Variants in LSM14A observed in about 807,000 individuals in gnomAD.
The protein encoded by LSM14A is LSM14A mRNA processing body assembly factor.
In LSM14A, 14 loss-of-function variants were observed where a neutral mutation model predicts 52.4. That is an observed-to-expected ratio of 0.27 (90% confidence interval 0.18 to 0.42). The LOEUF (loss-of-function observed/expected upper bound fraction) is 0.42. Ranked by LOEUF, LSM14A falls within the 10% of genes least tolerant of loss-of-function variation. The pLI, the probability that LSM14A is intolerant of heterozygous loss-of-function variation, is 1.00. For missense variants in LSM14A, 417 were observed against 581.8 expected (o/e 0.72, Z 2.91); for synonymous variants, 185 against 200.3 (o/e 0.92, Z 0.64).
rs2073476512 is a variant in LSM14A at position 34,229,128 on chromosome 19, T to C, written c.*1740T>C. 1 of 152,190 alleles carries C rather than the reference T, an allele frequency of 6.6e-6. No homozygotes were observed. Among genetic ancestry groups the C allele is most frequent in the Non-Finnish European group, 1.5e-5 (1 of 68,038 alleles). The allele number at this position is 152,190 out of a possible 1,614,324, so 9.4% of individuals were successfully genotyped here. Reference sequence around the variant, plus strand: ...AACTGTAAATACTAGTTCTACTTGCTCTGAAATTATGAGTTTATGCGTTTT... The same window carrying C: ...AACTGTAAATACTAGTTCTACTTGCCCTGAAATTATGAGTTTATGCGTTTT... On this transcript the variant is annotated 3_prime_UTR_variant, in exon 10 of 10. Coordinates refer to ENST00000544216, the MANE Select transcript of LSM14A (RefSeq NM_015578.4).
intron 4 of LSM14A, among the ~76,000 whole-genome samples, chr19:34,212,470 T>G (rs1299847255): frequency 1.3e-5 from 2 of 152,194 alleles, no homozygotes; most frequent in African/African-American, 2.4e-5. Flanking sequence ...TATATAAATT[T>G]TAAATAGATT....
At chr19:34,176,152 A>C (rs1392815886) in intron 1 of LSM14A, among the ~76,000 whole-genome samples, 1 of 152,182 alleles carries the variant, frequency 6.6e-6, no homozygotes, top group East Asian at 1.9e-4. Context: ...ACCCGGCCTG[A>C]AGCCAAAAGT....
At chr19:34,205,685 G>A (rs1382082802) in intron 3 of LSM14A, among the ~76,000 whole-genome samples, 1 of 151,416 alleles carries the variant, frequency 6.6e-6, no homozygotes, top group Admixed American at 6.6e-5. Context: ...ATGTCTCTAA[G>A]AAAAGTTGGT....
intron 3 of LSM14A, among the ~76,000 whole-genome samples, chr19:34,197,431 CTTTTT>C (rs531343486): frequency 3.2e-5 from 2 of 63,306 alleles, no homozygotes; most frequent in East Asian, 4.2e-4. Context: ...ATTTCTTTTT[CTTTTT>C]TTTTTTTTTT....
At chr19:34,226,405 C>CTTTTT in intron 9 of LSM14A, 1 of 808,134 alleles carries the variant, frequency 1.2e-6, no homozygotes, top group East Asian at 3.8e-5. Context: ...TTTTACCTTT[C>CTTTTT]AGAAAACCAC....
At chr19:34,208,637 C>A (rs2071887337) in intron 3 of LSM14A, 1 of 225,390 alleles carries the variant, frequency 4.4e-6, no homozygotes, top group African/African-American at 2.3e-5. Context: ...TGGTATGGGT[C>A]CTTGCTGTCC....
intron 4 of LSM14A, among the ~76,000 whole-genome samples, chr19:34,213,721 C>T (rs912926382): frequency 6.6e-6 from 1 of 152,148 alleles, no homozygotes; most frequent in Non-Finnish European, 1.5e-5. Flanking sequence ...TGTGACCAGG[C>T]GACCTCATAA....
At chr19:34,218,933 T>C (rs1412001498) in intron 6 of LSM14A, among the ~76,000 whole-genome samples, 1 of 152,238 alleles carries the variant, frequency 6.6e-6, no homozygotes, top group African/African-American at 2.4e-5. Context: ...TTAGTGTTTA[T>C]TTTTCTTACT....
chr19:34,174,238 C>G (rs948108911), intron 1 of LSM14A, among the ~76,000 whole-genome samples: 1 of 152,294 alleles, frequency 6.6e-6, no homozygotes, highest in Admixed American at 6.5e-5. Context: ...CATGAGCCAC[C>G]GCGCCCAGCC....
At chr19:34,209,114 G>A (rs2071936598) in intron 4 of LSM14A, 63 bp downstream of exon 4, 8 of 1,386,246 alleles carry the variant, frequency 5.8e-6, no homozygotes, top group Non-Finnish European at 7.8e-6. Context: ...TTGTCTTTCT[G>A]AATGTAAGAG....
At chr19:34,198,965 C>T (rs1051049902) in intron 3 of LSM14A, among the ~76,000 whole-genome samples, 5 of 150,950 alleles carry the variant, frequency 3.3e-5, no homozygotes, top group African/African-American at 1.2e-4. Flanking sequence ...CCAGCCTGGG[C>T]GACAGAGTGA....
intron 3 of LSM14A, among the ~76,000 whole-genome samples, chr19:34,206,172 A>C (rs2071682533): frequency 6.6e-6 from 1 of 152,224 alleles, no homozygotes; most frequent in South Asian, 2.1e-4. Context: ...CATTCTACCA[A>C]ACATTTAGGG....
At chr19:34,198,020 T>A (rs1389963866) in intron 3 of LSM14A, among the ~76,000 whole-genome samples, 4 of 149,344 alleles carry the variant, frequency 2.7e-5, no homozygotes, top group African/African-American at 9.9e-5. Context: ...GAACAGCTTT[T>A]AAAAAAAAAT....
At position 34,206,512 on chromosome 19, in the gene LSM14A, C is replaced by CA. The variant is rs879698497; in HGVS notation, c.416-2404dup. 1.2e-3 allele frequency among the ~76,000 whole-genome samples: 166 copies of CA among 135,790 alleles called. 1 individual carries two copies. The highest frequency in any genetic ancestry group is 4.1e-3 in the Middle Eastern group (1 of 244). 89.1% of individuals were successfully genotyped at this position (135,790 alleles called of 152,430 possible). ...TGAAACCCTGTCTCTACTAAAAATACAAAAAAAAAAAAATTAGTTGGGCAT... is the reference window on the plus strand; with the variant it reads ...TGAAACCCTGTCTCTACTAAAAATACAAAAAAAAAAAAAATTAGTTGGGCAT... On this transcript the variant is annotated intron_variant, in intron 3 of 9. Transcript: ENST00000544216.
intron 1 of LSM14A, among the ~76,000 whole-genome samples, chr19:34,185,223 A>T (rs576954986): frequency 8.4e-4 from 128 of 152,150 alleles, no homozygotes; most frequent in African/African-American, 2.9e-3. Context: ...CTGGGTTATG[A>T]CCTCTGGAAG....
chr19:34,207,652 C>T (rs1055739871), intron 3 of LSM14A, among the ~76,000 whole-genome samples: 1 of 152,078 alleles, frequency 6.6e-6, no homozygotes, highest in Non-Finnish European at 1.5e-5. Context: ...CTACCTCAGC[C>T]TCCTGAGTAG....
chr19:34,221,060 C>T (rs1262162007), intron 8 of LSM14A, among the ~76,000 whole-genome samples: 7 of 149,560 alleles, frequency 4.7e-5, no homozygotes, highest in East Asian at 2.0e-4. Flanking sequence ...ATGAACAACT[C>T]GTGATAACTT....
chr19:34,184,505 C>T (rs1473658964), intron 1 of LSM14A, among the ~76,000 whole-genome samples: 1 of 152,130 alleles, frequency 6.6e-6, no homozygotes. Context: ...AGATTCATTA[C>T]ATGGAGTTCA....
At chr19:34,208,732 C>T in intron 3 of LSM14A, 197 bp from the exon 4 acceptor site, 1 of 477,786 alleles carries the variant, frequency 2.1e-6, no homozygotes, top group Non-Finnish European at 3.7e-6. Flanking sequence ...ATTGGCTCCC[C>T]CTTCCCCTGC....
Sources: allele counts gnomAD v4.1 joint callset (sites outside exome capture counted in the v4.1 genomes callset), GRCh38; gene constraint gnomAD v4.1.1; transcripts MANE v1.5; gene names NCBI Gene and HGNC (gene_info 2026-07-23, HGNC 2026-07-21).